Variants in LRRTM4 observed in about 807,000 individuals in gnomAD.
LRRTM4 encodes the protein leucine rich repeat transmembrane neuronal 4.
A neutral mutation model predicts 47.6 loss-of-function variants in LRRTM4; 25 were observed. The ratio of observed to expected loss-of-function variants is 0.53; its 90% CI spans 0.38 to 0.73. The LOEUF is 0.73. Ranked by LOEUF, LRRTM4 falls within the 30% of genes least tolerant of loss-of-function variation. LRRTM4 has a pLI of 0.00. For missense variants in LRRTM4, 638 were observed against 713.4 expected, an observed-to-expected ratio of 0.89 and a Z score of 1.20; for synonymous variants, 311 against 269.5, an observed-to-expected ratio of 1.15 and a Z score of -1.51.
At chr2:77,085,804 G>T (rs972278344) in intron 3 of LRRTM4, among the ~76,000 whole-genome samples, 1 of 152,156 alleles carries the variant, frequency 6.6e-6, no homozygotes, top group East Asian at 1.9e-4. Flanking sequence ...ATCACAAACT[G>T]ATTAGCTAAT....
At chr2:77,209,996 T>A (rs1674246941) in intron 3 of LRRTM4, among the ~76,000 whole-genome samples, 1 of 152,198 alleles carries the variant, frequency 6.6e-6, no homozygotes, top group South Asian at 2.1e-4. Context: ...TAAAGCTCTC[T>A]GCCTAGATTT....
At chr2:76,886,472 T>C (rs1266210313) in intron 3 of LRRTM4, among the ~76,000 whole-genome samples, 3 of 152,094 alleles carry the variant, frequency 2.0e-5, no homozygotes, top group African/African-American at 7.2e-5. Flanking sequence ...TTAGAACCTT[T>C]ATAAAACTGT....
intron 3 of LRRTM4, among the ~76,000 whole-genome samples, chr2:76,786,970 C>T (rs1279359187): frequency 6.6e-6 from 1 of 151,886 alleles, no homozygotes; most frequent in Non-Finnish European, 1.5e-5. Flanking sequence ...AATTTACCTA[C>T]ATTTTTTTTT....
chr2:77,389,984 G>A (rs1329277212), intron 3 of LRRTM4, among the ~76,000 whole-genome samples: 2 of 151,976 alleles, frequency 1.3e-5, no homozygotes, highest in South Asian at 4.1e-4. Flanking sequence ...CCTGTCCTGG[G>A]TCCATGACCT....
chr2:77,226,909 T>C (rs567713531), intron 3 of LRRTM4, among the ~76,000 whole-genome samples: 1 of 152,024 alleles, frequency 6.6e-6, no homozygotes, highest in Non-Finnish European at 1.5e-5. Context: ...AGATCTGAAC[T>C]GAGTCGCCCA....
chr2:77,477,959 GAAAGAAAGAAA>G (rs1677500643), intron 3 of LRRTM4, among the ~76,000 whole-genome samples: 1 of 115,558 alleles, frequency 8.7e-6, no homozygotes. Context: ...AAGAAAGAAA[GAAAGAAAGAAA>G]AAGAAAAAAA....
chr2:77,030,239 T>A (rs968309884), intron 3 of LRRTM4, among the ~76,000 whole-genome samples: 6 of 152,114 alleles, frequency 3.9e-5, no homozygotes, highest in African/African-American at 1.4e-4. Flanking sequence ...GAGACCATCC[T>A]GGCTAACACA....
rs909245140 is a variant in LRRTM4 at position 77,453,882 on chromosome 2, C to A, written c.1551+64436G>T. On this transcript the variant is annotated intron_variant, in intron 3 of 3. Coordinates refer to ENST00000409884, the MANE Select transcript of LRRTM4 (RefSeq NM_001134745.3). ...TTTCCTTTGTTTTGTTTTCTAACCC[C>A]CATTTTCTGTTATACTGGCCAAATT... Among the ~76,000 whole-genome samples, 4 of 152,094 alleles carry A rather than the reference C, an allele frequency of 2.6e-5. No homozygotes were observed. In the East Asian group the frequency reaches 5.8e-4, roughly 22 times the overall value.
intron 3 of LRRTM4, among the ~76,000 whole-genome samples, chr2:76,882,528 T>C (rs1235218563): frequency 2.0e-5 from 3 of 146,800 alleles, no homozygotes; most frequent in African/African-American, 5.0e-5. Flanking sequence ...CCCATCTCTA[T>C]AAAAAGTTAA....
intron 3 of LRRTM4, among the ~76,000 whole-genome samples, chr2:77,093,237 A>G (rs1670705606): frequency 6.7e-6 from 1 of 148,764 alleles, no homozygotes; most frequent in Non-Finnish European, 1.5e-5. Context: ...GGCTATCCCC[A>G]AACTGCCACT....
At chr2:76,782,526 G>GCAGTA (rs1315956386) in intron 3 of LRRTM4, among the ~76,000 whole-genome samples, 5 of 152,276 alleles carry the variant, frequency 3.3e-5, no homozygotes, top group Admixed American at 1.3e-4. Context: ...AATTATTACA[G>GCAGTA]CAGTACAGTA....
At chr2:76,757,278 T>A (rs1319128460) in intron 3 of LRRTM4, among the ~76,000 whole-genome samples, 1 of 152,128 alleles carries the variant, frequency 6.6e-6, no homozygotes. Context: ...TATTTAGAGG[T>A]GGGAACATGT....
chr2:77,521,625 A>C, intron 2 of LRRTM4, 43 bp downstream of exon 2: 1 of 1,611,458 alleles, frequency 6.2e-7, no homozygotes, highest in Non-Finnish European at 8.5e-7. Context: ...GGAAGCCAAG[A>C]GGATCAGCTT....
At chr2:77,259,869 AAG>A (rs1273868945) in intron 3 of LRRTM4, among the ~76,000 whole-genome samples, 2 of 152,086 alleles carry the variant, frequency 1.3e-5, no homozygotes, top group East Asian at 1.9e-4. Flanking sequence ...TTGATGAACA[AAG>A]AGGTTCAATA....
chr2:76,974,758 A>AAT (rs1419535881), intron 3 of LRRTM4, among the ~76,000 whole-genome samples: 1 of 151,854 alleles, frequency 6.6e-6, no homozygotes, highest in Non-Finnish European at 1.5e-5. Flanking sequence ...ATTTTCCAAG[A>AAT]ATATTTCTGG....
At chr2:77,348,591 C>G (rs1156910769) in intron 3 of LRRTM4, among the ~76,000 whole-genome samples, 1 of 150,000 alleles carries the variant, frequency 6.7e-6, no homozygotes, top group East Asian at 2.0e-4. Context: ...AAGAATATAT[C>G]TGTAAGAATA....
At chr2:77,309,767 C>G (rs1677400373) in intron 3 of LRRTM4, among the ~76,000 whole-genome samples, 1 of 152,042 alleles carries the variant, frequency 6.6e-6, no homozygotes, top group African/African-American at 2.4e-5. Context: ...AAATATCTCA[C>G]CACAGCAAAA....
chr2:77,204,983 T>C (rs568488546), intron 3 of LRRTM4, among the ~76,000 whole-genome samples: 12 of 152,330 alleles, frequency 7.9e-5, no homozygotes, highest in Middle Eastern at 3.4e-3. Context: ...AGTGAAAGTA[T>C]AAGGCTGTTG....
At chr2:77,045,538 C>T (rs978363893) in intron 3 of LRRTM4, among the ~76,000 whole-genome samples, 2 of 151,798 alleles carry the variant, frequency 1.3e-5, no homozygotes, top group African/African-American at 4.8e-5. Flanking sequence ...GTGGGAGGGA[C>T]CCAGTGGGAG....
Sources: allele counts gnomAD v4.1 joint callset (sites outside exome capture counted in the v4.1 genomes callset), GRCh38; gene constraint gnomAD v4.1.1; transcripts MANE v1.5; gene names NCBI Gene and HGNC (gene_info 2026-07-23, HGNC 2026-07-21).